The following MEGF9 variants were observed in gnomAD, a reference collection of about 807,000 sequenced individuals.
MEGF9 encodes the protein multiple EGF like domains 9.
A neutral mutation model predicts 46.8 loss-of-function variants in MEGF9; 6 were observed. That is an observed-to-expected ratio of 0.13 (90% CI 0.07 to 0.25). The LOEUF (loss-of-function observed/expected upper bound fraction) is 0.25. MEGF9 is among the 10% of genes least tolerant of loss of function. MEGF9 has a pLI of 1.00. For synonymous variants in MEGF9, 302 were observed against 330.7 expected, an observed-to-expected ratio of 0.91 and a Z score of 0.94; for missense variants, 683 against 792.4, an observed-to-expected ratio of 0.86 and a Z score of 1.66.
At chr9:120,663,643 T>C (rs995641604) in intron 1 of MEGF9, among the ~76,000 whole-genome samples, 1 of 152,176 alleles carries the variant, frequency 6.6e-6, no homozygotes. Flanking sequence ...TGGATGTTAA[T>C]GGGAATGAAA....
chr9:120,685,808 G>A (rs2043819775), intron 1 of MEGF9, among the ~76,000 whole-genome samples: 1 of 152,128 alleles, frequency 6.6e-6, no homozygotes, highest in South Asian at 2.1e-4. Flanking sequence ...TACTCAAGAG[G>A]TGGAAGCAAC....
At chr9:120,630,139 T>C (rs1286580676) in intron 2 of MEGF9, among the ~76,000 whole-genome samples, 2 of 152,174 alleles carry the variant, frequency 1.3e-5, no homozygotes, top group African/African-American at 4.8e-5. Flanking sequence ...ACAAAGCCTA[T>C]ATGTATACTT....
At chr9:120,653,842 A>AC (rs1212143390) in intron 2 of MEGF9, among the ~76,000 whole-genome samples, 4 of 152,250 alleles carry the variant, frequency 2.6e-5, no homozygotes, top group Admixed American at 2.0e-4. Flanking sequence ...AGAGAGGTCA[A>AC]GAAACTGAGA....
At chr9:120,658,214 T>C (rs2043686240) in intron 2 of MEGF9, among the ~76,000 whole-genome samples, 1 of 152,186 alleles carries the variant, frequency 6.6e-6, no homozygotes, top group Admixed American at 6.5e-5. Context: ...CTAGAACTCC[T>C]GGCCTCAAGT....
At chr9:120,659,211 AAATAT>A (rs2043690655) in intron 2 of MEGF9, among the ~76,000 whole-genome samples, 158 bp downstream of exon 2, 1 of 152,238 alleles carries the variant, frequency 6.6e-6, no homozygotes, top group Non-Finnish European at 1.5e-5. Flanking sequence ...TCCTGACATT[AAATAT>A]AACATATAAA....
intron 1 of MEGF9, among the ~76,000 whole-genome samples, chr9:120,707,658 C>T (rs1362415551): frequency 1.3e-5 from 2 of 152,114 alleles, no homozygotes; most frequent in African/African-American, 2.4e-5. Context: ...AAGTAAGATC[C>T]TGAATCTAGT....
At chr9:120,670,965 C>T (rs957817369) in intron 1 of MEGF9, among the ~76,000 whole-genome samples, 5 of 152,136 alleles carry the variant, frequency 3.3e-5, no homozygotes, top group African/African-American at 1.2e-4. Flanking sequence ...TACAGACTGC[C>T]TCCTTTTCTT....
At chr9:120,677,607 A>G (rs950462089) in intron 1 of MEGF9, among the ~76,000 whole-genome samples, 10 of 152,216 alleles carry the variant, frequency 6.6e-5, no homozygotes, top group African/African-American at 2.4e-4. Context: ...CAAAGACACA[A>G]TCATGAGTTA....
intron 1 of MEGF9, among the ~76,000 whole-genome samples, chr9:120,692,920 G>C (rs2043856223): frequency 6.6e-6 from 1 of 151,982 alleles, no homozygotes; most frequent in Non-Finnish European, 1.5e-5. Flanking sequence ...TCCTCTCTTT[G>C]CTTCTGTAGT....
chr9:120,646,459 G>A (rs2043626746), intron 2 of MEGF9, among the ~76,000 whole-genome samples: 1 of 152,132 alleles, frequency 6.6e-6, no homozygotes, highest in African/African-American at 2.4e-5. Context: ...TCTCTGAGAT[G>A]TTAATCTTGC....
At chr9:120,689,282 A>G (rs2043837822) in intron 1 of MEGF9, among the ~76,000 whole-genome samples, 1 of 152,224 alleles carries the variant, frequency 6.6e-6, no homozygotes, top group Non-Finnish European at 1.5e-5. Flanking sequence ...GGCAAGGAGC[A>G]GCATGTGTAA....
intron 1 of MEGF9, among the ~76,000 whole-genome samples, chr9:120,682,027 AAAC>A (rs1374904279): frequency 2.0e-5 from 3 of 152,214 alleles, no homozygotes; most frequent in Admixed American, 6.5e-5. Context: ...ATACAAGGCA[AAAC>A]AACAACAACA....
rs145401927 is a variant in MEGF9 at position 120,672,433 on chromosome 9, A to AAAATAAATAAATAAAT, written c.602-12874_602-12859dup. On this transcript the variant is annotated intron_variant, in intron 1 of 5. Coordinates refer to ENST00000373930, the MANE Select transcript of MEGF9 (RefSeq NM_001080497.3). ...CATAGTGAGACCCCATCTCTACAGA[A>AAAATAAATAAATAAAT]AAATAAATAAATAAATAAATAAATA... Among the ~76,000 whole-genome samples, 829 of 144,858 alleles carry AAAATAAATAAATAAAT rather than the reference A, an allele frequency of 5.7e-3. 14 individuals are homozygous for AAAATAAATAAATAAAT. Among genetic ancestry groups the AAAATAAATAAATAAAT allele is most frequent in the African/African-American group, 0.021 (786 of 37,690 alleles).
intron 1 of MEGF9, among the ~76,000 whole-genome samples, chr9:120,663,823 G>C (rs2043713525): frequency 6.6e-6 from 1 of 152,182 alleles, no homozygotes; most frequent in Non-Finnish European, 1.5e-5. Context: ...AATAATTAGA[G>C]AAGGGTAATG....
At position 120,603,719 on chromosome 9, in the gene MEGF9, A is replaced by C. The variant is rs1376787146; in HGVS notation, c.*1471T>G. On this transcript the variant is annotated 3_prime_UTR_variant, in exon 6 of 6. Coordinates refer to ENST00000373930, the MANE Select transcript of MEGF9 (RefSeq NM_001080497.3). Reference sequence around the variant, plus strand: ...ACGAGAGCAACAGTAGTTGGCCTCTAGGAAAAAACTCCATCAAAAAGCAAG... The same window carrying C: ...ACGAGAGCAACAGTAGTTGGCCTCTCGGAAAAAACTCCATCAAAAAGCAAG... 6.6e-6 allele frequency: 1 copy of C among 152,328 alleles called. No homozygotes were observed. The highest frequency in any genetic ancestry group is 1.5e-5 in the Non-Finnish European group (1 of 68,038). The allele number at this position is 152,328 out of a possible 1,614,324, so 9.4% of individuals were successfully genotyped here. A position where few individuals can be genotyped will look rare whatever the true frequency, so the allele number is the denominator to read the frequency against.
chr9:120,662,456 T>C (rs1408960250), intron 1 of MEGF9, among the ~76,000 whole-genome samples: 1 of 152,162 alleles, frequency 6.6e-6, no homozygotes, highest in Non-Finnish European at 1.5e-5. Flanking sequence ...CAAATGACAA[T>C]AATTTGAAGA....
intron 1 of MEGF9, among the ~76,000 whole-genome samples, chr9:120,705,483 A>T (rs2043925064): frequency 1.3e-5 from 2 of 151,848 alleles, no homozygotes; most frequent in Admixed American, 1.3e-4. Context: ...TATGAGTGAG[A>T]GGAACGCATA....
chr9:120,679,489 G>T (rs1259341942), intron 1 of MEGF9, among the ~76,000 whole-genome samples: 1 of 138,602 alleles, frequency 7.2e-6, no homozygotes, highest in South Asian at 2.3e-4. Context: ...TGGGGGGAGG[G>T]GGAAGGGATT....
chr9:120,702,488 G>T (rs2043909945), intron 1 of MEGF9, among the ~76,000 whole-genome samples: 1 of 152,008 alleles, frequency 6.6e-6, no homozygotes, highest in Admixed American at 6.5e-5. Context: ...CACAAAGAAG[G>T]TAATTAAAAT....
Sources: gnomAD v4.1 joint callset for allele counts (sites outside exome capture counted in the v4.1 genomes callset) on GRCh38, gnomAD v4.1.1 for gene constraint, MANE v1.5 for transcripts, NCBI Gene and HGNC (gene_info 2026-07-23, HGNC 2026-07-21) for gene names.